The following NTN1 variants were observed in gnomAD, a reference collection of about 807,000 sequenced individuals.
NTN1 encodes the protein netrin-1.
NTN1 carries 11 observed loss-of-function variants against 54.2 expected under a neutral mutation model. That is an observed-to-expected ratio of 0.20 (90% CI 0.13 to 0.34). The LOEUF (loss-of-function observed/expected upper bound fraction) is 0.34. Ranked by LOEUF, NTN1 falls within the 10% of genes least tolerant of loss-of-function variation. NTN1 has a pLI of 1.00. For synonymous variants in NTN1, 371 were observed against 382.0 expected, an observed-to-expected ratio of 0.97 and a Z score of 0.33; for missense variants, 740 against 893.1, an observed-to-expected ratio of 0.83 and a Z score of 2.18.
chr17:9,225,709 A>AGGCCGGGCGGGCC (rs1905512867), intron 6 of NTN1, among the ~76,000 whole-genome samples: 2 of 147,764 alleles, frequency 1.4e-5, no homozygotes, highest in African/African-American at 2.7e-5. Context: ...GGAGGCCGCC[A>AGGCCGGGCGGGCC]AACCGGGCGG....
intron 2 of NTN1, among the ~76,000 whole-genome samples, chr17:9,140,909 AAAGT>A (rs2092295757): frequency 6.6e-6 from 1 of 152,184 alleles, no homozygotes; most frequent in Admixed American, 6.5e-5. Context: ...GAGAGAATTA[AAAGT>A]AAGAGCACTT....
At chr17:9,191,331 A>T (rs1027964138) in intron 5 of NTN1, among the ~76,000 whole-genome samples, 1 of 152,062 alleles carries the variant, frequency 6.6e-6, no homozygotes, top group African/African-American at 2.4e-5. Context: ...ATGGTGGTGC[A>T]TGCCTGTAAT....
chr17:9,023,504 C>G, intron 2 of NTN1, 113 bp downstream of exon 2: 1 of 1,240,068 alleles, frequency 8.1e-7, no homozygotes. Flanking sequence ...GCGGGAGGCG[C>G]GTTCGCCGAT....
At chr17:9,147,332 C>T (rs1002289764) in intron 2 of NTN1, among the ~76,000 whole-genome samples, 2 of 152,088 alleles carry the variant, frequency 1.3e-5, no homozygotes, top group African/African-American at 2.4e-5. Flanking sequence ...GGTGAAACCC[C>T]GTCTCTACTA....
intron 2 of NTN1, among the ~76,000 whole-genome samples, chr17:9,041,425 A>G (rs1041985561): frequency 2.0e-5 from 3 of 152,236 alleles, no homozygotes; most frequent in African/African-American, 7.2e-5. Flanking sequence ...GACATTTCAT[A>G]TAAATAGAAT....
chr17:9,158,711 G>C (rs978116750), intron 2 of NTN1, among the ~76,000 whole-genome samples: 10 of 152,012 alleles, frequency 6.6e-5, no homozygotes, highest in African/African-American at 1.7e-4. Flanking sequence ...CCCTTGTCTG[G>C]CAGAGTGAGT....
At chr17:9,147,221 C>T (rs977683519) in intron 2 of NTN1, among the ~76,000 whole-genome samples, 1 of 152,230 alleles carries the variant, frequency 6.6e-6, no homozygotes, top group Non-Finnish European at 1.5e-5. Flanking sequence ...GACTGGAAAT[C>T]CCTTCCATTA....
intron 5 of NTN1, among the ~76,000 whole-genome samples, chr17:9,205,191 C>T (rs1459625138): frequency 6.6e-6 from 1 of 152,126 alleles, no homozygotes; most frequent in Non-Finnish European, 1.5e-5. Context: ...CTCCTAAAGG[C>T]TTGGCTGGTG....
At position 9,152,564 on chromosome 17, in the gene NTN1, T is replaced by G. The variant is rs140561061; in HGVS notation, c.1019-10249T>G. 4.0e-3 allele frequency among the ~76,000 whole-genome samples: 603 copies of G among 152,188 alleles called. 5 individuals are homozygous for G. Among genetic ancestry groups the G allele is most frequent in the African/African-American group, 0.013 (557 of 41,536 alleles). ...TGATCCACCCGCTGCCTGGAGGTGG[T>G]CTTAGAGCCCTTTCCACAGCCCTGT... On this transcript the variant is annotated intron_variant, in intron 2 of 6. Coordinates refer to ENST00000173229, the MANE Select transcript of NTN1 (RefSeq NM_004822.3).
At chr17:9,233,328 T>C (rs1905878505) in intron 6 of NTN1, among the ~76,000 whole-genome samples, 1 of 152,068 alleles carries the variant, frequency 6.6e-6, no homozygotes. Context: ...TTTCCCGCCC[T>C]GTGTCGGTTC....
intron 5 of NTN1, among the ~76,000 whole-genome samples, chr17:9,220,224 T>C (rs995285525): frequency 2.6e-5 from 4 of 152,164 alleles, no homozygotes; most frequent in African/African-American, 9.7e-5. Context: ...CTCAGTCTTC[T>C]TGTCTGTGGA....
intron 5 of NTN1, among the ~76,000 whole-genome samples, chr17:9,216,301 C>T (rs987055826): frequency 1.3e-5 from 2 of 152,162 alleles, no homozygotes; most frequent in African/African-American, 4.8e-5. Flanking sequence ...CATCTTTTTC[C>T]AACTCTTTCT....
chr17:9,114,166 A>AAAAAATATATAT (rs1555569108), intron 2 of NTN1, among the ~76,000 whole-genome samples: 1 of 74,620 alleles, frequency 1.3e-5, no homozygotes, highest in African/African-American at 5.8e-5. Flanking sequence ...AAAAAAAAAA[A>AAAAAATATATAT]ATATATATAT....
chr17:9,221,038 C>T lies in NTN1; in HGVS notation c.1412-130C>T, dbSNP rs889810830. 2.5e-5 allele frequency: 19 copies of T among 752,236 alleles called. No homozygotes were observed. Among genetic ancestry groups the T allele is most frequent in the African/African-American group, 3.5e-5 (2 of 57,722 alleles). 46.6% of individuals were successfully genotyped at this position (752,236 alleles called of 1,614,324 possible). On this transcript the variant is annotated intron_variant, in intron 5 of 6. Coordinates refer to ENST00000173229, the MANE Select transcript of NTN1 (RefSeq NM_004822.3). This position sits in a 1 kb window ranked among gnomAD's most constrained non-coding sequence, Gnocchi z 4.5. ...GGCCTTTCCTGAATGGCCGCCTGCC[C>T]GCCCGGCCTGGCCCATGGGTATCAC...
chr17:9,207,758 A>C (rs759773642), intron 5 of NTN1, among the ~76,000 whole-genome samples: 5 of 152,182 alleles, frequency 3.3e-5, no homozygotes, highest in African/African-American at 4.8e-5. Flanking sequence ...CCCACACCCC[A>C]TAGACAGCAG....
In NTN1 at chr17:9,183,072, C is replaced by T. The variant is rs2142320039; in HGVS notation, c.1411+103C>T. 3.3e-6 allele frequency: 4 copies of T among 1,197,188 alleles called. No individual in the cohort carries two copies. In the Admixed American group the frequency reaches 6.9e-5, roughly 21 times the overall value. The allele number at this position is 1,197,188 out of a possible 1,614,324, so 74.2% of individuals were successfully genotyped here. A position where few individuals can be genotyped will look rare whatever the true frequency, so the allele number is the denominator to read the frequency against. ...CATTGGAAAGCCCAGACTCCTCTAA[C>T]CACTGTCCGGGCTCTGCTCCGTATG... On this transcript the variant is annotated intron_variant, in intron 5 of 6. Coordinates refer to ENST00000173229, the MANE Select transcript of NTN1 (RefSeq NM_004822.3).
chr17:9,134,504 CAG>C (rs1357637175), intron 2 of NTN1, among the ~76,000 whole-genome samples: 2 of 152,208 alleles, frequency 1.3e-5, no homozygotes, highest in Admixed American at 6.5e-5. Context: ...GGAACTTTAA[CAG>C]AACTACTCAC....
rs1298788421 is a variant in NTN1, at chr17:9,239,134, ATCT to A, written c.1487-502_1487-500del. Among the ~76,000 whole-genome samples, 1 of 152,120 alleles carries A rather than the reference ATCT, an allele frequency of 6.6e-6. No homozygotes were observed. Among genetic ancestry groups the A allele is most frequent in the Non-Finnish European group, 1.5e-5 (1 of 68,026 alleles). ...CGGCCACCCCAAAGGGTGGGTTCTC[ATCT>A]TCTGTCCCTGAGCATTGAGGACCCA... On this transcript the variant is annotated intron_variant, in intron 6 of 6. Coordinates refer to ENST00000173229, the MANE Select transcript of NTN1 (RefSeq NM_004822.3). The surrounding 1 kb of genome is among the most constrained non-coding windows in gnomAD (Gnocchi z 5.2).
In NTN1 at chr17:9,217,271, A is replaced by G. The variant is rs140005938; in HGVS notation, c.1412-3897A>G. 6.1e-3 allele frequency among the ~76,000 whole-genome samples: 931 copies of G among 152,254 alleles called. 4 individuals are homozygous for G. Among genetic ancestry groups the G allele is most frequent in the Non-Finnish European group, 9.1e-3 (621 of 68,008 alleles). On this transcript the variant is annotated intron_variant, in intron 5 of 6. Coordinates refer to ENST00000173229, the MANE Select transcript of NTN1 (RefSeq NM_004822.3). Reference sequence around the variant, plus strand: ...CTGTGTCCTGAGGTAAAACCTGAACAGGTTTTGCTTAGTCCACCACCATCT... The same window carrying G: ...CTGTGTCCTGAGGTAAAACCTGAACGGGTTTTGCTTAGTCCACCACCATCT...
Sources: allele counts gnomAD v4.1 joint callset (sites outside exome capture counted in the v4.1 genomes callset), GRCh38; gene constraint gnomAD v4.1.1; non-coding constraint Gnocchi (gnomAD v3.1); transcripts MANE v1.5; gene names NCBI Gene and HGNC (gene_info 2026-07-23, HGNC 2026-07-21).